Variants in LUZP2 observed in about 807,000 individuals in gnomAD.
The protein encoded by LUZP2 is leucine zipper protein 2.
LUZP2 carries 52 observed loss-of-function variants against 51.6 expected under a neutral mutation model. The observed-to-expected ratio is 1.01, with a 90% CI of 0.81 to 1.27. LUZP2 has a LOEUF of 1.27. Among genes scored for constraint, LUZP2 ranks in the 50% most tolerant of loss-of-function variants. The pLI, the probability that LUZP2 is intolerant of heterozygous loss-of-function variation, is 0.00. For missense variants in LUZP2, 436 were observed against 395.4 expected (o/e 1.10, Z -0.87); for synonymous variants, 154 against 137.3 (o/e 1.12, Z -0.85).
chr11:24,619,050 G>T (rs911896333), intron 1 of LUZP2, among the ~76,000 whole-genome samples: 5 of 150,154 alleles, frequency 3.3e-5, no homozygotes, highest in South Asian at 2.1e-4. Context: ...ATTTATTTGA[G>T]ATAGGTCTTG....
chr11:24,958,702 T>G (rs1334453142), intron 7 of LUZP2, among the ~76,000 whole-genome samples: 1 of 152,156 alleles, frequency 6.6e-6, no homozygotes, highest in Admixed American at 6.5e-5. Context: ...ATTTTGTGGG[T>G]TGCCTGTTCA....
At chr11:24,931,154 T>C (rs143761753) in intron 7 of LUZP2, among the ~76,000 whole-genome samples, 6,808 of 151,666 alleles carry the variant, frequency 0.045, 478 homozygotes, top group African/African-American at 0.15. Context: ...GAGGTTGCAG[T>C]GAGCCGAGAT....
At chr11:24,633,688 G>T (rs2133931364) in intron 1 of LUZP2, among the ~76,000 whole-genome samples, 1 of 151,942 alleles carries the variant, frequency 6.6e-6, no homozygotes, top group African/African-American at 2.4e-5. Flanking sequence ...CATTGTTAAT[G>T]TTGACCTTTT....
At chr11:24,883,364 A>C (rs1046280691) in intron 5 of LUZP2, among the ~76,000 whole-genome samples, 1 of 139,390 alleles carries the variant, frequency 7.2e-6, no homozygotes, top group African/African-American at 3.4e-5. Flanking sequence ...CAATCAACTC[A>C]AACTGACTAT....
intron 1 of LUZP2, among the ~76,000 whole-genome samples, chr11:24,601,848 G>GTATA (rs67762793): frequency 5.8e-5 from 8 of 136,806 alleles, no homozygotes; most frequent in Admixed American, 2.3e-4. Context: ...AAATAAACAG[G>GTATA]TATATATATA....
chr11:24,698,096 A>C (rs1857303479), intron 1 of LUZP2, among the ~76,000 whole-genome samples: 1 of 152,152 alleles, frequency 6.6e-6, no homozygotes, highest in South Asian at 2.1e-4. Flanking sequence ...GATTTGAGAA[A>C]TATCTCCTGT....
chr11:25,076,579 G>A (rs565647494), intron 10 of LUZP2, among the ~76,000 whole-genome samples: 119 of 148,722 alleles, frequency 8.0e-4, no homozygotes, highest in Non-Finnish European at 1.1e-3. Flanking sequence ...AGGAAGGGAG[G>A]GAGGAAGGGA....
At chr11:24,565,246 C>G (rs7948439) in intron 1 of LUZP2, among the ~76,000 whole-genome samples, 6,473 of 151,920 alleles carry the variant, frequency 0.043, 422 homozygotes, top group African/African-American at 0.15. Context: ...TATACTGGCC[C>G]CCAGAAAAGC....
chr11:24,529,120 T>A (rs561341307), intron 1 of LUZP2, among the ~76,000 whole-genome samples: 23 of 151,084 alleles, frequency 1.5e-4, no homozygotes, highest in African/African-American at 5.1e-4. Context: ...TTATTCCAGT[T>A]TATAAGTGTG....
intron 1 of LUZP2, among the ~76,000 whole-genome samples, chr11:24,644,149 A>G (rs1348747370): frequency 6.6e-6 from 1 of 152,158 alleles, no homozygotes; most frequent in Non-Finnish European, 1.5e-5. Context: ...TGAACGTGCT[A>G]CAGTTAGTCT....
chr11:25,040,343 A>ATTTTTTTTTTTTTTCTTTTTTTTTTTTTT (rs1858013224), intron 9 of LUZP2, among the ~76,000 whole-genome samples: 1 of 98,828 alleles, frequency 1.0e-5, no homozygotes, highest in Non-Finnish European at 1.8e-5. Context: ...TTTCTTTCCG[A>ATTTTTTTTTTTTTTCTTTTTTTTTTTTTT]TTTTTTTTTT....
chr11:25,019,687 A>T (rs966571340), intron 9 of LUZP2, among the ~76,000 whole-genome samples: 34 of 152,120 alleles, frequency 2.2e-4, no homozygotes, highest in Non-Finnish European at 4.9e-4. Context: ...TAGATGATGG[A>T]TTATTGTTTG....
At chr11:24,523,115 G>A (rs567726870) in intron 1 of LUZP2, among the ~76,000 whole-genome samples, 1 of 151,922 alleles carries the variant, frequency 6.6e-6, no homozygotes, top group Non-Finnish European at 1.5e-5. Context: ...CTTTCTGTCA[G>A]CATCTGGTTC....
chr11:24,874,011 G>A (rs1450346929), intron 5 of LUZP2, among the ~76,000 whole-genome samples: 1 of 152,122 alleles, frequency 6.6e-6, no homozygotes, highest in Non-Finnish European at 1.5e-5. Flanking sequence ...TGCAGATACT[G>A]TAGAATAACT....
chr11:24,810,202 A>G (rs1849977881), intron 5 of LUZP2, among the ~76,000 whole-genome samples: 1 of 151,992 alleles, frequency 6.6e-6, no homozygotes, highest in Non-Finnish European at 1.5e-5. Context: ...AAATGAAATC[A>G]GTACACACAC....
chr11:24,889,471 A>G (rs1335293238), intron 5 of LUZP2, among the ~76,000 whole-genome samples: 1 of 152,230 alleles, frequency 6.6e-6, no homozygotes, highest in Non-Finnish European at 1.5e-5. Flanking sequence ...TTCAATGCCT[A>G]AGTAATGTCA....
At chr11:24,983,638 C>A in intron 9 of LUZP2, among the ~76,000 whole-genome samples, 1 of 151,504 alleles carries the variant, frequency 6.6e-6, no homozygotes, top group East Asian at 1.9e-4. Flanking sequence ...ATATTTTCTT[C>A]TGGGGCACAA....
At chr11:24,880,778 G>A (rs1274417653) in intron 5 of LUZP2, among the ~76,000 whole-genome samples, 1 of 152,072 alleles carries the variant, frequency 6.6e-6, no homozygotes, top group African/African-American at 2.4e-5. Context: ...GTGTGTATGT[G>A]TGTGTTTGTG....
At chr11:25,015,806 T>C (rs1244262826) in intron 9 of LUZP2, among the ~76,000 whole-genome samples, 6 of 152,182 alleles carry the variant, frequency 3.9e-5, no homozygotes, top group Non-Finnish European at 4.4e-5. Context: ...CCAATTGTTT[T>C]TCATTTACTA....
Sources: allele counts gnomAD v4.1 joint callset (sites outside exome capture counted in the v4.1 genomes callset), GRCh38; gene constraint gnomAD v4.1.1; transcripts MANE v1.5; gene names NCBI Gene and HGNC (gene_info 2026-07-23, HGNC 2026-07-21).